TOR3A: variants seen among roughly 807,000 people sequenced by gnomAD.
TOR3A encodes torsin family 3 member A, also known as torsin-3A.
A neutral mutation model predicts 42.1 loss-of-function variants in TOR3A; 44 were observed. That is an observed-to-expected ratio of 1.04 (90% CI 0.82 to 1.34). TOR3A has a LOEUF of 1.34. Ranked by LOEUF, TOR3A falls within the 40% of genes most tolerant of loss-of-function variation. TOR3A has a pLI of 0.00. For synonymous variants in TOR3A, 227 were observed against 213.2 expected (o/e 1.06, Z -0.57); for missense variants, 521 against 507.6 (o/e 1.03, Z -0.25).
intron 4 of TOR3A, among the ~76,000 whole-genome samples, chr1:179,089,965 G>A (rs1217377357): frequency 2.6e-5 from 4 of 152,116 alleles, no homozygotes; most frequent in African/African-American, 9.7e-5. Flanking sequence ...AACGTGACCC[G>A]GTGACCCTGC....
chr1:179,086,677 A>G (rs576493634), intron 3 of TOR3A, among the ~76,000 whole-genome samples: 9 of 152,206 alleles, frequency 5.9e-5, no homozygotes, highest in African/African-American at 1.9e-4. Context: ...AAAAAAAAAA[A>G]AAAAAAGAAA....
Position 179,094,074 on chromosome 1 carries a change from A to C in TOR3A, c.819-19A>C. 2 of 1,609,212 alleles carry C rather than the reference A, an allele frequency of 1.2e-6. No homozygotes were observed. The highest frequency in any genetic ancestry group is 1.1e-5 in the South Asian group (1 of 90,216). ...GCTAAATATAAACAAATGGGTTAAC[A>C]AGCTCTTGTCTCTTTCAGTAATCTC... is the stretch of plus-strand genomic sequence containing the variant. On this transcript the variant is annotated intron_variant, in intron 4 of 5. Coordinates refer to ENST00000367627, the MANE Select transcript of TOR3A (RefSeq NM_022371.4).
Position 179,085,942 on chromosome 1 carries a change from C to G in TOR3A, c.639+49C>G. The G allele has an allele frequency of 2.5e-6, 4 of 1,583,712 alleles. No homozygotes were observed. The South Asian group carries it at 3.4e-5, about 13-fold the overall frequency. On this transcript the variant is annotated intron_variant, in intron 3 of 5. Coordinates refer to ENST00000367627, the MANE Select transcript of TOR3A (RefSeq NM_022371.4). ...GAGGCCTCTGTGCTGGGAGGGAGAC[C>G]CTTCTGCCAGCCCTTCCTTGCAAGG... is the stretch of plus-strand genomic sequence containing the variant.
intron 4 of TOR3A, among the ~76,000 whole-genome samples, chr1:179,089,213 C>T (rs960768337): frequency 1.5e-4 from 22 of 151,336 alleles, no homozygotes; most frequent in East Asian, 3.9e-4. Flanking sequence ...CCCAGCTACT[C>T]GGGAGGCTGA....
At position 179,082,102 on chromosome 1, in the gene TOR3A, G is replaced by C. The variant is rs775707480; in HGVS notation, c.-27G>C. 5 of 1,443,868 alleles carry C rather than the reference G, an allele frequency of 3.5e-6. No homozygotes were observed. In the African/African-American group the frequency reaches 7.5e-5, roughly 22 times the overall value. 89.4% of individuals were successfully genotyped at this position (1,443,868 alleles called of 1,614,324 possible). On this transcript the variant is annotated 5_prime_UTR_variant, in exon 1 of 6. Transcript: ENST00000367627. ...AGGGAGCCTGGCTAGGCCGGCAGCC[G>C]GATGGTCCCGCAGCTCGGGGCCGGC... is the stretch of plus-strand genomic sequence containing the variant.
At chr1:179,085,422 CAAA>C (rs369392265) in intron 2 of TOR3A, 3,921 of 439,080 alleles carry the variant, frequency 8.9e-3, no homozygotes, top group South Asian at 0.012. Context: ...GACTCCATCT[CAAA>C]AAAAAAAAAA....
At position 179,082,478 on chromosome 1, in the gene TOR3A, C is replaced by T; in HGVS notation, c.259+91C>T. ...GTCGCCTCGCTCCTGTCCGGGGCGACATCTGGGCCCGCAGTCCTGCTCTGC... is the reference window on the plus strand; with the variant it reads ...GTCGCCTCGCTCCTGTCCGGGGCGATATCTGGGCCCGCAGTCCTGCTCTGC... On this transcript the variant is annotated intron_variant, in intron 1 of 5. Coordinates refer to ENST00000367627, the MANE Select transcript of TOR3A (RefSeq NM_022371.4). 4 of 1,464,000 alleles carry T rather than the reference C, an allele frequency of 2.7e-6. No individual in the cohort carries two copies. In the South Asian group the frequency reaches 4.2e-5, roughly 15 times the overall value. The allele number at this position is 1,464,000 out of a possible 1,614,324, so 90.7% of individuals were successfully genotyped here.
chr1:179,090,284 T>A (rs1281212992), intron 4 of TOR3A, among the ~76,000 whole-genome samples: 1 of 152,050 alleles, frequency 6.6e-6, no homozygotes, highest in Admixed American at 6.5e-5. Context: ...AGCCAGAGGT[T>A]CCCCCCTCCA....
At chr1:179,085,034 GAC>G (rs1486812831) in intron 2 of TOR3A, among the ~76,000 whole-genome samples, 6 of 152,360 alleles carry the variant, frequency 3.9e-5, no homozygotes, top group Non-Finnish European at 7.3e-5. Context: ...TTCCTCCCTA[GAC>G]AGGTCTGTGC....
rs71735820 is a variant in TOR3A at position 179,095,517 on chromosome 1, TGTGGTTGAAGAAAGTGGGCCAG to T, written c.*314_*335del. The T allele has an allele frequency of 2.7e-3, 3,363 of 1,232,056 alleles. 97 individuals are homozygous for T. In the African/African-American group the frequency reaches 0.046, roughly 17 times the overall value. 76.3% of individuals were successfully genotyped at this position (1,232,056 alleles called of 1,614,324 possible). A position where few individuals can be genotyped will look rare whatever the true frequency, so the allele number is the denominator to read the frequency against. On this transcript the variant is annotated 3_prime_UTR_variant, in exon 6 of 6. Coordinates refer to ENST00000367627, the MANE Select transcript of TOR3A (RefSeq NM_022371.4). ...TAAAGACACGCATTCCAAAGTGGAA[TGTGGTTGAAGAAAGTGGGCCAG>T]GTGGTTGAAGAAAGCCATGTGGGAG... is the stretch of plus-strand genomic sequence containing the variant.
Position 179,095,335 on chromosome 1 carries a change from GC to G in TOR3A, c.*119del. 6.5e-7 allele frequency: 1 copy of G among 1,532,508 alleles called. No homozygotes were observed. The highest frequency in any genetic ancestry group is 8.7e-7 in the Non-Finnish European group (1 of 1,146,452). 94.9% of individuals were successfully genotyped at this position (1,532,508 alleles called of 1,614,324 possible). On this transcript the variant is annotated 3_prime_UTR_variant, in exon 6 of 6. Transcript: ENST00000367627. The stretch of plus-strand genomic sequence containing the variant: ...TGAGGGTGTGGACTGGCATCCAGCA[GC>G]CACTAACAAACACACAACTGGTGTG...
At position 179,095,871 on chromosome 1, in the gene TOR3A, T is replaced by C; in HGVS notation, c.*653T>C. On this transcript the variant is annotated 3_prime_UTR_variant, in exon 6 of 6. Coordinates refer to ENST00000367627, the MANE Select transcript of TOR3A (RefSeq NM_022371.4). ...AGATATTTTACAAACCAGGTCAGTGTAGGCCAAGACTTATGGTCTACAGAT... is the reference window on the plus strand; with the variant it reads ...AGATATTTTACAAACCAGGTCAGTGCAGGCCAAGACTTATGGTCTACAGAT... 3.0e-6 allele frequency: 3 copies of C among 984,754 alleles called. No homozygotes were observed. Among genetic ancestry groups the C allele is most frequent in the Non-Finnish European group, 3.6e-6 (3 of 830,224 alleles). The allele number at this position is 984,754 out of a possible 1,614,324, so 61.0% of individuals were successfully genotyped here.
In TOR3A at chr1:179,083,012, G is replaced by A; in HGVS notation, c.332G>A (p.Cys111Tyr). The change falls in exon 2 of 6, where the codon TGC becomes TAC. Residue 111 changes from cysteine (C) to tyrosine (Y), a missense_variant. Coordinates refer to ENST00000367627, the MANE Select transcript of TOR3A (RefSeq NM_022371.4). ...LTTWYCSFKD[C>Y]CPRGDCRISN... ...ACGTGGTACTGCAGCTTCAAAGACTGCTGCCCTAGAGGGGATTGCAGAATC... is the reference window on the plus strand; with the variant it reads ...ACGTGGTACTGCAGCTTCAAAGACTACTGCCCTAGAGGGGATTGCAGAATC... 1 of 1,585,854 alleles carries A rather than the reference G, an allele frequency of 6.3e-7. No homozygotes were observed. The highest frequency in any genetic ancestry group is 8.6e-7 in the Non-Finnish European group (1 of 1,166,726).
At position 179,082,082 on chromosome 1, in the gene TOR3A, G is replaced by A. The variant is rs755535696; in HGVS notation, c.-47G>A. On this transcript the variant is annotated 5_prime_UTR_variant, in exon 1 of 6. Transcript: ENST00000367627. ...GCCTGACCGCCCCGGGCTTAAGGGAGCCTGGCTAGGCCGGCAGCCGGATGG... is the reference window on the plus strand; with the variant it reads ...GCCTGACCGCCCCGGGCTTAAGGGAACCTGGCTAGGCCGGCAGCCGGATGG... 3 of 1,421,906 alleles carry A rather than the reference G, an allele frequency of 2.1e-6. No individual in the cohort carries two copies. The highest frequency in any genetic ancestry group is 3.0e-5 in the Admixed American group (1 of 32,980). 88.1% of individuals were successfully genotyped at this position (1,421,906 alleles called of 1,614,324 possible).
At chr1:179,089,337 A>G (rs912254986) in intron 4 of TOR3A, among the ~76,000 whole-genome samples, 30 of 144,752 alleles carry the variant, frequency 2.1e-4, no homozygotes, top group Non-Finnish European at 2.9e-4. Flanking sequence ...AAAAAAAAAA[A>G]GTGAAACAGG....
intron 4 of TOR3A, among the ~76,000 whole-genome samples, chr1:179,088,675 T>C (rs1182299983): frequency 6.6e-6 from 1 of 152,234 alleles, no homozygotes; most frequent in Non-Finnish European, 1.5e-5. Flanking sequence ...TCTGAGTACC[T>C]GTAGTTCAGT....
At position 179,082,084 on chromosome 1, in the gene TOR3A, C is replaced by T. The variant is rs779636898; in HGVS notation, c.-45C>T. On this transcript the variant is annotated 5_prime_UTR_variant, in exon 1 of 6. Transcript: ENST00000367627. Reference sequence around the variant, plus strand: ...CTGACCGCCCCGGGCTTAAGGGAGCCTGGCTAGGCCGGCAGCCGGATGGTC... The same window carrying T: ...CTGACCGCCCCGGGCTTAAGGGAGCTTGGCTAGGCCGGCAGCCGGATGGTC... The T allele has an allele frequency of 1.1e-5, 16 of 1,422,972 alleles. No individual in the cohort carries two copies. Among genetic ancestry groups the T allele is most frequent in the Non-Finnish European group, 1.5e-5 (16 of 1,100,678 alleles). The allele number at this position is 1,422,972 out of a possible 1,614,324, so 88.1% of individuals were successfully genotyped here.
At chr1:179,085,953 C>A in intron 3 of TOR3A, 60 bp downstream of exon 3, 1 of 1,569,976 alleles carries the variant, frequency 6.4e-7, no homozygotes, top group South Asian at 1.2e-5. Context: ...CTTCTGCCAG[C>A]CCTTCCTTGC....
In TOR3A at chr1:179,088,048, C is replaced by T. The variant is rs1382593167; in HGVS notation, c.777C>T (p.Gly259=). 3 of 1,611,144 alleles carry T rather than the reference C, an allele frequency of 1.9e-6. No homozygotes were observed. The highest frequency in any genetic ancestry group is 2.7e-5 in the African/African-American group (2 of 74,784). ...GPHLERRAPE[G]HRAESPWTIF... ...ACTTAGAACGCCGGGCCCCTGAGGG[C>T]CACAGGGCTGAGTCTCCATGGACTA... The change falls in exon 4 of 6, where the codon GGC becomes GGT. Residue 259 remains glycine, a synonymous_variant. Transcript: ENST00000367627.
Sources: allele counts gnomAD v4.1 joint callset (sites outside exome capture counted in the v4.1 genomes callset), GRCh38; gene constraint gnomAD v4.1.1; transcripts MANE v1.5; gene names NCBI Gene and HGNC (gene_info 2026-07-23, HGNC 2026-07-21).